Variants in TRAM2 observed in about 807,000 individuals in gnomAD.
The protein encoded by TRAM2 is translocation associated membrane protein 2.
Under a neutral mutation model 51.0 loss-of-function variants are expected in TRAM2, and 12 were observed. The observed-to-expected ratio is 0.24, with a 90% CI of 0.15 to 0.38. TRAM2 has a LOEUF of 0.38. TRAM2 is among the 10% of genes least tolerant of loss of function. The probability of loss-of-function intolerance (pLI) is 1.00; values close to 1 mark genes in which losing one functional copy is unlikely to be tolerated. For missense variants in TRAM2, 361 were observed against 462.0 expected, an observed-to-expected ratio of 0.78 and a Z score of 2.00; for synonymous variants, 175 against 179.4, an observed-to-expected ratio of 0.98 and a Z score of 0.20.
intron 4 of TRAM2, among the ~76,000 whole-genome samples, chr6:52,513,974 T>C (rs1299631179): frequency 1.3e-5 from 2 of 152,190 alleles, no homozygotes; most frequent in South Asian, 2.1e-4. Flanking sequence ...TATGGCCAGA[T>C]AGTTCTTTGT....
rs147322476 is a variant in TRAM2, at chr6:52,503,087, G to T, written c.*110C>A. The T allele has an allele frequency of 6.4e-6, 6 of 937,108 alleles. No homozygotes were observed. Among genetic ancestry groups the T allele is most frequent in the African/African-American group, 1.6e-5 (1 of 61,120 alleles). 58.0% of individuals were successfully genotyped at this position (937,108 alleles called of 1,614,324 possible). ...CCCCATTGCAAGACAGGTTTCGGCTGTTTGAGACGGAGCATCACAGGCAGG... is the reference window on the plus strand; with the variant it reads ...CCCCATTGCAAGACAGGTTTCGGCTTTTTGAGACGGAGCATCACAGGCAGG... On this transcript the variant is annotated 3_prime_UTR_variant, in exon 11 of 11. Coordinates refer to ENST00000182527, the MANE Select transcript of TRAM2 (RefSeq NM_012288.4).
intron 2 of TRAM2, among the ~76,000 whole-genome samples, chr6:52,518,722 G>C (rs1014749258): frequency 1.3e-5 from 2 of 152,184 alleles, no homozygotes; most frequent in Non-Finnish European, 2.9e-5. Flanking sequence ...AGATGAGGGA[G>C]AGGAGACTCA....
intron 1 of TRAM2, among the ~76,000 whole-genome samples, chr6:52,551,326 C>T (rs902111770): frequency 3.9e-5 from 6 of 152,192 alleles, no homozygotes; most frequent in African/African-American, 1.2e-4. Flanking sequence ...TGTTTCAGCC[C>T]GGAAGGCAAA....
intron 2 of TRAM2, 48 bp downstream of exon 2, chr6:52,535,725 TTTCCAGGTCC>T: frequency 6.7e-7 from 1 of 1,490,172 alleles, no homozygotes. Flanking sequence ...AAAAGGAAGC[TTTCCAGGTCC>T]TTCAGGGTTA....
intron 2 of TRAM2, among the ~76,000 whole-genome samples, chr6:52,527,616 G>A (rs766613470): frequency 6.6e-6 from 1 of 152,124 alleles, no homozygotes; most frequent in African/African-American, 2.4e-5. Context: ...GCTGGCCACC[G>A]TTCCCGCTGA....
Position 52,577,022 on chromosome 6 carries a change from C to G in TRAM2, c.-107G>C. 1 of 1,247,118 alleles carries G rather than the reference C, an allele frequency of 8.0e-7. No homozygotes were observed. 77.3% of individuals were successfully genotyped at this position (1,247,118 alleles called of 1,614,324 possible). A position where few individuals can be genotyped will look rare whatever the true frequency, so the allele number is the denominator to read the frequency against. On this transcript the variant is annotated 5_prime_UTR_variant, in exon 1 of 11. Coordinates refer to ENST00000182527, the MANE Select transcript of TRAM2 (RefSeq NM_012288.4). The stretch of plus-strand genomic sequence containing the variant: ...TCCGCCCGCCGGCCCGCCGCCCGCT[C>G]TCCCACAGCCGCTCGCCCGCCCAGC...
intron 1 of TRAM2, among the ~76,000 whole-genome samples, chr6:52,536,710 G>A (rs1187533281): frequency 6.6e-6 from 1 of 152,134 alleles, no homozygotes; most frequent in Non-Finnish European, 1.5e-5. Flanking sequence ...CTGGTGTGGC[G>A]CTGGCCCAGC....
At chr6:52,524,825 T>C (rs922417587) in intron 2 of TRAM2, 5 of 152,160 alleles carry the variant, frequency 3.3e-5, no homozygotes, top group Non-Finnish European at 5.9e-5. Context: ...GAGCCATCAG[T>C]TGTCTGTCAT....
intron 2 of TRAM2, 82 bp from the exon 3 acceptor site, chr6:52,516,819 C>T (rs1461143651): frequency 1.1e-5 from 12 of 1,047,570 alleles, no homozygotes; most frequent in Non-Finnish European, 1.6e-5. Flanking sequence ...AGATGGGAGG[C>T]GAAATGCGCC....
intron 2 of TRAM2, chr6:52,523,404 C>T (rs1242121475): frequency 9.3e-6 from 1 of 107,956 alleles, no homozygotes; most frequent in African/African-American, 3.6e-5. Flanking sequence ...AGGATATAAA[C>T]AGACAAGCCA....
At chr6:52,541,874 C>CG (rs1357980630) in intron 1 of TRAM2, among the ~76,000 whole-genome samples, 1 of 149,440 alleles carries the variant, frequency 6.7e-6, no homozygotes, top group Non-Finnish European at 1.5e-5. Flanking sequence ...GACCAGCCCC[C>CG]GGGGGCAGAC....
At chr6:52,569,647 AG>A (rs1767646331) in intron 1 of TRAM2, among the ~76,000 whole-genome samples, 1 of 151,868 alleles carries the variant, frequency 6.6e-6, no homozygotes, top group South Asian at 2.1e-4. Context: ...GAGGCCCAAT[AG>A]TTTGAGGACA....
chr6:52,531,707 T>C (rs1766895765), intron 2 of TRAM2, among the ~76,000 whole-genome samples: 1 of 152,230 alleles, frequency 6.6e-6, no homozygotes, highest in Admixed American at 6.5e-5. Context: ...CCTCTCACTC[T>C]ACTCACAACA....
intron 1 of TRAM2, among the ~76,000 whole-genome samples, chr6:52,559,518 T>C (rs902003365): frequency 6.6e-6 from 1 of 152,226 alleles, no homozygotes; most frequent in Non-Finnish European, 1.5e-5. Context: ...CCACAGTATC[T>C]GCCACACAGG....
intron 1 of TRAM2, among the ~76,000 whole-genome samples, chr6:52,566,383 CTTGCTTCCTGGTTGGGGG>C (rs894290558): frequency 6.6e-6 from 1 of 152,114 alleles, no homozygotes; most frequent in African/African-American, 2.4e-5. Flanking sequence ...GCTTTGGGGG[CTTGCTTCCTGGTTGGGGG>C]TTGAGACTGA....
At chr6:52,522,890 T>G (rs1156436250) in intron 2 of TRAM2, 3 of 702,378 alleles carry the variant, frequency 4.3e-6, no homozygotes, top group Non-Finnish European at 7.8e-6. Flanking sequence ...TGAGGTCACC[T>G]GCAAGCGGCT....
At position 52,504,424 on chromosome 6, in the gene TRAM2, G is replaced by A. The variant is rs181286929; in HGVS notation, c.1039+167C>T. 5.9e-3 allele frequency among the ~76,000 whole-genome samples: 882 copies of A among 150,044 alleles called. 15 individuals are homozygous for A. The highest frequency in any genetic ancestry group is 0.02 in the African/African-American group (809 of 41,444). On this transcript the variant is annotated intron_variant, in intron 10 of 10. Transcript: ENST00000182527. The stretch of plus-strand genomic sequence containing the variant: ...CTGTCCCTGGCCCACACCCAGCCAC[G>A]TGCCAATCAGGGAGCTAGGAGCCCC...
Position 52,505,616 on chromosome 6 carries a change from G to C in TRAM2, c.858C>G (p.Phe286Leu). The change falls in exon 9 of 11, where the codon TTC becomes TTG. Residue 286 changes from phenylalanine (F) to leucine (L), a missense_variant. Coordinates refer to ENST00000182527, the MANE Select transcript of TRAM2 (RefSeq NM_012288.4). ...CGACTCACCTGCAAAACAAAGTGTT[G>C]AAGTTCCCTTTCTCGGGATCAAATG... ...NQAFDPEKGN[F>L]NTLFCRLCVL... 1 of 1,612,550 alleles carries C rather than the reference G, an allele frequency of 6.2e-7. No homozygotes were observed. The highest frequency in any genetic ancestry group is 1.1e-5 in the South Asian group (1 of 90,844).
intron 2 of TRAM2, among the ~76,000 whole-genome samples, chr6:52,518,472 G>A (rs72925271): frequency 0.051 from 7,784 of 152,264 alleles, 292 homozygotes; most frequent in African/African-American, 0.11. Flanking sequence ...TGACATTTGC[G>A]TTTTGGAACA....
Sources: allele counts gnomAD v4.1 joint callset (sites outside exome capture counted in the v4.1 genomes callset), GRCh38; gene constraint gnomAD v4.1.1; transcripts MANE v1.5; gene names NCBI Gene and HGNC (gene_info 2026-07-23, HGNC 2026-07-21).